CCDC179: variants seen among roughly 807,000 people sequenced by gnomAD.
CCDC179 encodes the protein coiled-coil domain containing 179, also known as coiled-coil domain-containing protein 179.
A neutral mutation model predicts 12.0 loss-of-function variants in CCDC179; 17 were observed. The observed-to-expected ratio is 1.42, with a 90% CI of 0.97 to 2.13. CCDC179 has a LOEUF of 2.13. CCDC179 is among the 30% of genes most tolerant of loss of function. The pLI, the probability that CCDC179 is intolerant of heterozygous loss-of-function variation, is 0.00. For synonymous variants in CCDC179, 27 were observed against 26.4 expected, an observed-to-expected ratio of 1.02 and a Z score of -0.07; for missense variants, 83 against 78.6, an observed-to-expected ratio of 1.06 and a Z score of -0.21.
intron 3 of CCDC179, among the ~76,000 whole-genome samples, chr11:22,856,931 G>A (rs1417338058): frequency 6.6e-6 from 1 of 151,404 alleles, no homozygotes; most frequent in Non-Finnish European, 1.5e-5. Context: ...ATTTATATTA[G>A]CAACAAAAAA....
intron 3 of CCDC179, among the ~76,000 whole-genome samples, chr11:22,855,149 A>G (rs1306531743): frequency 6.6e-6 from 1 of 151,742 alleles, no homozygotes; most frequent in Middle Eastern, 3.2e-3. Flanking sequence ...TGACAGATCT[A>G]GCAGGCAGAA....
chr11:22,859,530 C>T, intron 1 of CCDC179, 34 bp from the exon 2 acceptor site: 1 of 1,320,268 alleles, frequency 7.6e-7, no homozygotes, highest in Non-Finnish European at 1.0e-6. Flanking sequence ...CACATTCACA[C>T]AAAAAAGTCA....
At chr11:22,857,823 AGG>A in intron 3 of CCDC179, 97 bp downstream of exon 3, 1 of 553,902 alleles carries the variant, frequency 1.8e-6, no homozygotes, top group Non-Finnish European at 2.9e-6. Context: ...TCAAAGAGAA[AGG>A]GAAAAAGAAA....
chr11:22,859,522 C>A, intron 1 of CCDC179, 26 bp from the exon 2 acceptor site: 1 of 1,399,162 alleles, frequency 7.1e-7, no homozygotes. Flanking sequence ...AATTAAAACA[C>A]ATTCACACAA....
At chr11:22,850,960 ATATATATATATATATATTTTTT>A (rs1247082643) in intron 3 of CCDC179, among the ~76,000 whole-genome samples, 1 of 6,714 alleles carries the variant, frequency 1.5e-4, no homozygotes, top group African/African-American at 2.6e-4. Flanking sequence ...ATATATATAT[ATATATATATATATATATTTTTT>A]TTTTTTTTTT....
At chr11:22,850,506 C>T (rs1858350443) in intron 3 of CCDC179, among the ~76,000 whole-genome samples, 1 of 152,134 alleles carries the variant, frequency 6.6e-6, no homozygotes, top group Non-Finnish European at 1.5e-5. Flanking sequence ...GTGCATTTAG[C>T]CTCATTCCAC....
In CCDC179 at chr11:22,859,451, C is replaced by G. The variant is rs559891958; in HGVS notation, c.90+1G>C. 6 of 1,487,550 alleles carry G rather than the reference C, an allele frequency of 4.0e-6. No individual in the cohort carries two copies. Among genetic ancestry groups the G allele is most frequent in the Non-Finnish European group, 5.4e-6 (6 of 1,119,920 alleles). 92.1% of individuals were successfully genotyped at this position (1,487,550 alleles called of 1,614,324 possible). On this transcript the variant is annotated splice_donor_variant, in intron 2 of 3. Coordinates refer to ENST00000532798, the MANE Select transcript of CCDC179 (RefSeq NM_001195637.2). LOFTEE classifies it high-confidence loss of function. ...AACCTAGTTCTTTATTTAAACATTA[C>G]CTGCCGCTCAGTGACCTCTGAAGGA...
At chr11:22,856,307 A>T (rs551243832) in intron 3 of CCDC179, among the ~76,000 whole-genome samples, 51 of 151,730 alleles carry the variant, frequency 3.4e-4, no homozygotes, top group Non-Finnish European at 6.4e-4. Context: ...ATGTGTAAAA[A>T]TAATTATACA....
Position 22,857,932 on chromosome 11 carries a change from G to C in CCDC179, c.185C>G (p.Pro62Arg), listed in dbSNP as rs577295798. ...RFSRPSPIPE[P>R]GLLWSS ...AACCTCTATACTTACTAGGAGTCCTGGTTCTGGAATAGGAGAAGGCCTTGA... is the reference window on the plus strand; with the variant it reads ...AACCTCTATACTTACTAGGAGTCCTCGTTCTGGAATAGGAGAAGGCCTTGA... Residue 62 changes from proline to arginine, a missense_variant, in exon 3 of 4, where the codon CCA becomes CGA. Physicochemically the swap from Pro to Arg is moderately radical, Grantham distance 103. Coordinates refer to ENST00000532798, the MANE Select transcript of CCDC179 (RefSeq NM_001195637.2). The C allele has an allele frequency of 1.4e-5, 21 of 1,506,416 alleles. No individual in the cohort carries two copies. The highest frequency in any genetic ancestry group is 9.9e-5 in the East Asian group (4 of 40,380). 93.3% of individuals were successfully genotyped at this position (1,506,416 alleles called of 1,614,324 possible). A position where few individuals can be genotyped will look rare whatever the true frequency, so the allele number is the denominator to read the frequency against.
intron 3 of CCDC179, among the ~76,000 whole-genome samples, chr11:22,852,678 A>G (rs1312052373): frequency 1.3e-5 from 2 of 152,134 alleles, no homozygotes; most frequent in South Asian, 2.1e-4. Context: ...GCCCATTCCC[A>G]TAGGCCCCTG....
At chr11:22,859,073 A>G (rs570565518) in intron 2 of CCDC179, among the ~76,000 whole-genome samples, 300 of 152,246 alleles carry the variant, frequency 2.0e-3, no homozygotes, top group Non-Finnish European at 3.4e-3. Context: ...GAAGAGATTG[A>G]TGTAGCTAAA....
At chr11:22,854,477 A>G (rs1858490043) in intron 3 of CCDC179, among the ~76,000 whole-genome samples, 1 of 151,848 alleles carries the variant, frequency 6.6e-6, no homozygotes, top group Admixed American at 6.6e-5. Context: ...CCCATAAAGT[A>G]GTATAGTGTT....
At chr11:22,860,228 T>A (rs552384839) in intron 1 of CCDC179, 149 bp downstream of exon 1, 2 of 810,336 alleles carry the variant, frequency 2.5e-6, no homozygotes, top group East Asian at 5.8e-5. Context: ...CAGGATGTAG[T>A]CTGTCTACAT....
At chr11:22,848,369 G>T (rs926409676) in intron 3 of CCDC179, among the ~76,000 whole-genome samples, 2 of 152,058 alleles carry the variant, frequency 1.3e-5, no homozygotes, top group Non-Finnish European at 2.9e-5. Context: ...GCTTGAGCCC[G>T]GGAGGCGGAG....
Position 22,860,395 on chromosome 11 carries a change from C to G in CCDC179, c.27G>C (p.Glu9Asp). Reference protein sequence around the residue: MCLYCWDIEPSQVNPEGPR... With the variant: MCLYCWDIDPSQVNPEGPR... ...GACTCACAGGGTTGACTTGGGAAGG[C>G]TCGATGTCCCAGCAATACAGGCACA... Residue 9 changes from glutamate to aspartate, a missense_variant, in exon 1 of 4, where the codon GAG becomes GAC. Transcript: ENST00000532798. 2.0e-6 allele frequency: 3 copies of G among 1,535,650 alleles called. No individual in the cohort carries two copies. The highest frequency in any genetic ancestry group is 1.4e-5 in the African/African-American group (1 of 73,154).
chr11:22,852,462 G>T (rs1209420987), intron 3 of CCDC179, among the ~76,000 whole-genome samples: 1 of 152,114 alleles, frequency 6.6e-6, no homozygotes, highest in African/African-American at 2.4e-5. Flanking sequence ...CACAAGATTT[G>T]CAACTTCCCC....
chr11:22,852,624 G>A (rs935671526), intron 3 of CCDC179, among the ~76,000 whole-genome samples: 1 of 152,124 alleles, frequency 6.6e-6, no homozygotes. Context: ...CTCATGAGGA[G>A]GCATTTTCCA....
intron 3 of CCDC179, among the ~76,000 whole-genome samples, chr11:22,856,670 A>G (rs10833844): frequency 0.5 from 75,453 of 151,338 alleles, 19,455 homozygotes; most frequent in Middle Eastern, 0.7. Flanking sequence ...AGTAAGACAA[A>G]AAAAGGAAAT....
In CCDC179 at chr11:22,859,643, AAAAG is replaced by A. The variant is rs562510347; in HGVS notation, c.46-151_46-148del. 1.5e-3 allele frequency: 642 copies of A among 437,554 alleles called. 4 individuals carry two copies. Among genetic ancestry groups the A allele is most frequent in the African/African-American group, 0.012 (597 of 48,480 alleles). The allele number at this position is 437,554 out of a possible 1,614,324, so 27.1% of individuals were successfully genotyped here. ...CTATAAGAAGCAGGTTAAAAAAACAAAAAGAAAAAAGTCAAGTTCAGAATAAAAA... is the reference window on the plus strand; with the variant it reads ...CTATAAGAAGCAGGTTAAAAAAACAAAAAAAAGTCAAGTTCAGAATAAAAA... On this transcript the variant is annotated intron_variant, in intron 1 of 3. Transcript: ENST00000532798.
Sources: allele counts gnomAD v4.1 joint callset (sites outside exome capture counted in the v4.1 genomes callset), GRCh38; gene constraint gnomAD v4.1.1; transcripts MANE v1.5; gene names NCBI Gene and HGNC (gene_info 2026-07-23, HGNC 2026-07-21).